The following LPA variants were observed in gnomAD, a reference collection of about 807,000 sequenced individuals.
LPA encodes the protein lipoprotein(a), also known as apolipoprotein(a).
LPA carries 199 observed loss-of-function variants against 197.9 expected under a neutral mutation model. The observed-to-expected ratio is 1.01, with a 90% CI of 0.90 to 1.13. LPA has a LOEUF of 1.13. Ranked by LOEUF, LPA falls within the 50% of genes most tolerant of loss-of-function variation. LPA has a pLI of 0.00. For missense variants in LPA, 1,853 were observed against 1,785.8 expected, an observed-to-expected ratio of 1.04 and a Z score of -0.68; for synonymous variants, 715 against 639.5, an observed-to-expected ratio of 1.12 and a Z score of -1.78.
rs530619484 is a variant in LPA at position 160,660,423 on chromosome 6, C to G, written c.49+3743G>C. Among the ~76,000 whole-genome samples, 7 of 152,296 alleles carry G rather than the reference C, an allele frequency of 4.6e-5. No individual in the cohort carries two copies. In the South Asian group the frequency reaches 1.5e-3, roughly 32 times the overall value. On this transcript the variant is annotated intron_variant, in intron 1 of 38. Coordinates refer to ENST00000316300, the MANE Select transcript of LPA (RefSeq NM_005577.4). Reference sequence around the variant, plus strand: ...TTCTCTCAGGGGCTTCCACCTCCTGCTCATATCTAGCTATCTGCCTAGTCT... The same window carrying G: ...TTCTCTCAGGGGCTTCCACCTCCTGGTCATATCTAGCTATCTGCCTAGTCT...
chr6:160,632,271 T>G (rs1779704881), intron 8 of LPA, among the ~76,000 whole-genome samples: 1 of 109,018 alleles, frequency 9.2e-6, no homozygotes, highest in South Asian at 3.0e-4. Flanking sequence ...TTTCACGCAA[T>G]TCTAATCATT....
chr6:160,597,946 T>C (rs191020060), intron 20 of LPA, among the ~76,000 whole-genome samples: 3 of 152,326 alleles, frequency 2.0e-5, no homozygotes, highest in African/African-American at 7.2e-5. Flanking sequence ...AGGCAGTTAA[T>C]TGACTAGGAC....
At chr6:160,607,532 G>C (rs1212466271) in intron 16 of LPA, among the ~76,000 whole-genome samples, 2 of 152,128 alleles carry the variant, frequency 1.3e-5, no homozygotes, top group African/African-American at 4.8e-5. Flanking sequence ...ACTGCATTAG[G>C]GGGCAAAGCA....
intron 18 of LPA, among the ~76,000 whole-genome samples, chr6:160,602,644 G>C (rs958234284): frequency 6.6e-6 from 1 of 152,072 alleles, no homozygotes; most frequent in Non-Finnish European, 1.5e-5. Context: ...AATTTTCTTT[G>C]GGCAACATCT....
intron 17 of LPA, 69 bp downstream of exon 17, chr6:160,606,408 C>G: frequency 1.3e-6 from 2 of 1,573,980 alleles, no homozygotes; most frequent in South Asian, 2.2e-5. Flanking sequence ...GCTGCTGCAT[C>G]AGTGGGAATT....
At chr6:160,537,996 C>T (rs1425801779) in intron 36 of LPA, 35 bp from the exon 37 acceptor site, 2 of 1,590,462 alleles carry the variant, frequency 1.3e-6, no homozygotes, top group Non-Finnish European at 8.6e-7. Context: ...TGTTTCACTG[C>T]CCAGCTGGAA....
At chr6:160,584,261 T>TCCTCC (rs1562331322) in intron 26 of LPA, among the ~76,000 whole-genome samples, 2 of 103,374 alleles carry the variant, frequency 1.9e-5, no homozygotes, top group Non-Finnish European at 4.2e-5. Context: ...CCTCCTCCTC[T>TCCTCC]TCCTCTTCCT....
intron 33 of LPA, 139 bp downstream of exon 33, chr6:160,545,301 A>G (rs994103314): frequency 6.0e-6 from 4 of 662,272 alleles, no homozygotes; most frequent in Admixed American, 2.5e-5. Flanking sequence ...CATGATGAAA[A>G]GCAGGCTCTG....
In LPA at chr6:160,599,669, A is replaced by T. The variant is rs754711266; in HGVS notation, c.3128-10T>A. ...GTTTCCTCAGTCAGTGCTGAAATTAAAACAGAAGACATCAAGCTTATTATT... is the reference window on the plus strand; with the variant it reads ...GTTTCCTCAGTCAGTGCTGAAATTATAACAGAAGACATCAAGCTTATTATT... On this transcript the variant is annotated splice_polypyrimidine_tract_variant and intron_variant, in intron 19 of 38. Transcript: ENST00000316300. 2 of 1,613,848 alleles carry T rather than the reference A, an allele frequency of 1.2e-6. No individual in the cohort carries two copies. The highest frequency in any genetic ancestry group is 1.7e-5 in the Admixed American group (1 of 59,992).
At chr6:160,605,374 G>A (rs1779326240) in intron 17 of LPA, among the ~76,000 whole-genome samples, 169 bp from the exon 18 acceptor site, 1 of 152,128 alleles carries the variant, frequency 6.6e-6, no homozygotes, top group Non-Finnish European at 1.5e-5. Context: ...CTTGAGAAAA[G>A]CAACAACCAA....
At chr6:160,597,189 A>G (rs574114618) in intron 20 of LPA, among the ~76,000 whole-genome samples, 2 of 152,316 alleles carry the variant, frequency 1.3e-5, no homozygotes, top group South Asian at 2.1e-4. Flanking sequence ...TTTATTGAGA[A>G]CAAAGATACT....
At chr6:160,547,038 A>C (rs1778082915) in intron 32 of LPA, among the ~76,000 whole-genome samples, 1 of 152,162 alleles carries the variant, frequency 6.6e-6, no homozygotes, top group Admixed American at 6.5e-5. Context: ...CCAGTTTCAT[A>C]AAAGGCAATT....
rs41272124 is a variant in LPA, at chr6:160,579,506, G to C, written c.4290-802C>G. Among the ~76,000 whole-genome samples the C allele has an allele frequency of 3.4e-3, 517 of 152,288 alleles. 2 individuals are homozygous for C. Among genetic ancestry groups the C allele is most frequent in the African/African-American group, 0.012 (490 of 41,574 alleles). On this transcript the variant is annotated intron_variant, in intron 26 of 38. Coordinates refer to ENST00000316300, the MANE Select transcript of LPA (RefSeq NM_005577.4). ...GAACAGCGGGACCCAAGGCATAAAG[G>C]GAGACGGCTAGGTAGACTATGGGAT...
intron 21 of LPA, among the ~76,000 whole-genome samples, chr6:160,594,718 C>G (rs1255362262): frequency 6.6e-6 from 1 of 152,186 alleles, no homozygotes; most frequent in East Asian, 1.9e-4. Flanking sequence ...ATATCCACTA[C>G]TCTTCTTCTC....
chr6:160,650,648 A>G lies in LPA; in HGVS notation c.50-151T>C. 3 of 705,100 alleles carry G rather than the reference A, an allele frequency of 4.3e-6. No individual in the cohort carries two copies. The Admixed American group carries it at 6.5e-5, about 15-fold the overall frequency. 43.7% of individuals were successfully genotyped at this position (705,100 alleles called of 1,614,324 possible). A position where few individuals can be genotyped will look rare whatever the true frequency, so the allele number is the denominator to read the frequency against. ...GGCAGACAGACGTGCAAAAAACCAA[A>G]GGAATAGATTCATATCATTCTAGAA... On this transcript the variant is annotated intron_variant, in intron 1 of 38. Transcript: ENST00000316300.
rs779555061 is a variant in LPA at position 160,545,504 on chromosome 6, A to ACC, written c.5333_5334insGG (p.Asn1778LysfsTer9). 229 of 1,613,490 alleles carry ACC rather than the reference A, an allele frequency of 1.4e-4. 1 individual carries two copies. The African/African-American group carries it at 2.6e-3, about 18-fold the overall frequency. ...GATTCATTGTGTAGCACCAGGGACC[A>ACC]TTGATGTCACCATCAGGGTTACGGC... On this transcript the variant is annotated frameshift_variant, in exon 33 of 39. Coordinates refer to ENST00000316300, the MANE Select transcript of LPA (RefSeq NM_005577.4). LOFTEE classifies it high-confidence loss of function.
At chr6:160,544,997 C>A (rs1484117948) in intron 33 of LPA, among the ~76,000 whole-genome samples, 2 of 152,146 alleles carry the variant, frequency 1.3e-5, no homozygotes, top group African/African-American at 4.8e-5. Flanking sequence ...CCTAGGATGG[C>A]CATCTGAGGT....
Position 160,604,894 on chromosome 6 carries a change from T to C in LPA, c.2945+152A>G, listed in dbSNP as rs1779313813. Reference sequence around the variant, plus strand: ...GATTAACATTTGTCTTCTCTTAGACTCTTTGCTCAAAGACAATGTTCCTGA... The same window carrying C: ...GATTAACATTTGTCTTCTCTTAGACCCTTTGCTCAAAGACAATGTTCCTGA... On this transcript the variant is annotated intron_variant, in intron 18 of 38. Transcript: ENST00000316300. 3.1e-6 allele frequency: 4 copies of C among 1,281,758 alleles called. No individual in the cohort carries two copies. The South Asian group carries it at 4.9e-5, about 16-fold the overall frequency. 79.4% of individuals were successfully genotyped at this position (1,281,758 alleles called of 1,614,324 possible). A position where few individuals can be genotyped will look rare whatever the true frequency, so the allele number is the denominator to read the frequency against.
At position 160,600,900 on chromosome 6, in the gene LPA, C is replaced by A. The variant is rs765006225; in HGVS notation, c.3127+17G>T. On this transcript the variant is annotated intron_variant, in intron 19 of 38. Transcript: ENST00000316300. ...TCCCAGCATCCAAGCAGGTAAATGT[C>A]TGGCACAACTTCTTACCTTGTTCAA... 6.2e-7 allele frequency: 1 copy of A among 1,611,932 alleles called. No individual in the cohort carries two copies. The highest frequency in any genetic ancestry group is 1.1e-5 in the South Asian group (1 of 90,998).
Sources: allele counts gnomAD v4.1 joint callset (sites outside exome capture counted in the v4.1 genomes callset), GRCh38; gene constraint gnomAD v4.1.1; transcripts MANE v1.5; gene names NCBI Gene and HGNC (gene_info 2026-07-23, HGNC 2026-07-21).